TSC2: variants seen among roughly 807,000 people sequenced by gnomAD.
The protein encoded by TSC2 is TSC complex subunit 2.
In TSC2, 29 loss-of-function variants were observed where a neutral mutation model predicts 202.2. The observed-to-expected ratio is 0.14, with a 90% CI of 0.11 to 0.20. The LOEUF is 0.20. Ranked by LOEUF, TSC2 falls within the 10% of genes least tolerant of loss-of-function variation. The pLI is 1.00. For missense variants in TSC2, 2,429 were observed against 2,420.0 expected (o/e 1.00, Z -0.08); for synonymous variants, 1,349 against 1,044.0 (o/e 1.29, Z -5.63).
rs149098631 is a variant in TSC2, at chr16:2,075,769, C to T, written c.2546-30C>T. Reference sequence around the variant, plus strand: ...TCAGAGGCGCTGCACGGGACCCCGGCTCCCCTGACCACCCTCTCCATTACC... The same window carrying T: ...TCAGAGGCGCTGCACGGGACCCCGGTTCCCCTGACCACCCTCTCCATTACC... On this transcript the variant is annotated intron_variant, in intron 22 of 41. Coordinates refer to ENST00000219476, the MANE Select transcript of TSC2 (RefSeq NM_000548.5). The T allele has an allele frequency of 4.2e-4, 678 of 1,608,960 alleles. 4 individuals are homozygous for T. In the African/African-American group the frequency reaches 8.2e-3, roughly 19 times the overall value.
intron 5 of TSC2, 66 bp from the exon 6 acceptor site, chr16:2,055,336 G>A (rs2085638306): frequency 8.0e-7 from 1 of 1,244,898 alleles, no homozygotes; most frequent in Non-Finnish European, 1.2e-6. Context: ...TCCTGCGGCG[G>A]GAGGGGGAGG....
intron 15 of TSC2, chr16:2,065,230 G>A (rs1161924850): frequency 1.1e-5 from 4 of 380,378 alleles, no homozygotes; most frequent in African/African-American, 2.1e-5. Flanking sequence ...TGGCTAACAC[G>A]GTGAAACCCC....
intron 12 of TSC2, 87 bp from the exon 13 acceptor site, chr16:2,062,410 G>C: frequency 7.5e-7 from 1 of 1,339,644 alleles, no homozygotes; most frequent in Non-Finnish European, 1.0e-6. Flanking sequence ...GGCTCTGACA[G>C]CAAACCAGCC....
intron 22 of TSC2, 95 bp from the exon 23 acceptor site, chr16:2,075,704 C>T: frequency 7.4e-7 from 1 of 1,344,350 alleles, no homozygotes; most frequent in Non-Finnish European, 1.0e-6. Context: ...TCCTCTGCAG[C>T]ACCCCATCGC....
chr16:2,086,069 TG>T, intron 36 of TSC2, 123 bp from the exon 37 acceptor site: 1 of 1,123,366 alleles, frequency 8.9e-7, no homozygotes, highest in Non-Finnish European at 1.3e-6. Context: ...CTGGAATGGA[TG>T]GTCTTGTCTG....
intron 23 of TSC2, 36 bp downstream of exon 23, chr16:2,075,928 G>A (rs754798869): frequency 5.3e-5 from 85 of 1,612,532 alleles, no homozygotes; most frequent in East Asian, 4.2e-4. Context: ...CCTCCCAGCC[G>A]TGGCCCCCGC....
intron 33 of TSC2, 32 bp from the exon 34 acceptor site, chr16:2,084,196 A>G (rs1180828745): frequency 6.4e-7 from 1 of 1,557,056 alleles, no homozygotes; most frequent in African/African-American, 1.4e-5. Context: ...GTGCCTGCTG[A>G]CAGGGGTTCT....
intron 10 of TSC2, among the ~76,000 whole-genome samples, chr16:2,060,310 C>A (rs533332933): frequency 3.9e-5 from 6 of 152,212 alleles, no homozygotes; most frequent in Admixed American, 6.5e-5. Context: ...CTGCTACCCC[C>A]CTCCCCGTAG....
rs139950082 is a variant in TSC2, at chr16:2,064,696, C to CCTGGGG, written c.1599+278_1599+283dup. 0.056 allele frequency: 30,629 copies of CCTGGGG among 548,940 alleles called. 1,154 individuals are homozygous for CCTGGGG. The highest frequency in any genetic ancestry group is 0.072 in the Middle Eastern group (144 of 1,992). The allele number at this position is 548,940 out of a possible 1,614,324, so 34.0% of individuals were successfully genotyped here. Reference sequence around the variant, plus strand: ...TCCTGGACCGACGCTGGAGCCCAGACCTGGGGCTGGGGCTTTGGCCTGCCG... The same window carrying CCTGGGG: ...TCCTGGACCGACGCTGGAGCCCAGACCTGGGGCTGGGGCTGGGGCTTTGGCCTGCCG... On this transcript the variant is annotated intron_variant, in intron 15 of 41. Transcript: ENST00000219476.
rs2090829455 is a variant in TSC2, at chr16:2,086,631, G to A, written c.4850-101G>A. Reference sequence around the variant, plus strand: ...GGCACCAGAGGACGTGGTCCCCGCAGGCCCCCAGAGCCCCTGGAGTAATCA... The same window carrying A: ...GGCACCAGAGGACGTGGTCCCCGCAAGCCCCCAGAGCCCCTGGAGTAATCA... On this transcript the variant is annotated intron_variant, in intron 37 of 41. Transcript: ENST00000219476. 1.9e-6 allele frequency: 3 copies of A among 1,562,738 alleles called. No homozygotes were observed. The South Asian group carries it at 3.4e-5, about 18-fold the overall frequency.
rs902604389 is a variant in TSC2, at chr16:2,088,840, A to T, written c.*230A>T. On this transcript the variant is annotated 3_prime_UTR_variant, in exon 42 of 42. Transcript: ENST00000219476. The stretch of plus-strand genomic sequence containing the variant: ...GGCACAGCCAGCTCCGAGGGCCTTG[A>T]GGCTGCCTGGGCCATACAGCACACT... 3.0e-5 allele frequency: 18 copies of T among 599,342 alleles called. No homozygotes were observed. Among genetic ancestry groups the T allele is most frequent in the African/African-American group, 2.6e-4 (14 of 53,344 alleles). 37.1% of individuals were successfully genotyped at this position (599,342 alleles called of 1,614,324 possible).
At chr16:2,072,101 C>T in intron 19 of TSC2, 140 bp from the exon 20 acceptor site, 1 of 1,534,470 alleles carries the variant, frequency 6.5e-7, no homozygotes, top group Non-Finnish European at 8.8e-7. Flanking sequence ...GAGGCCTGCG[C>T]TGGGCAGGCT....
At chr16:2,059,955 G>A (rs546459547) in intron 10 of TSC2, among the ~76,000 whole-genome samples, 7 of 152,272 alleles carry the variant, frequency 4.6e-5, no homozygotes, top group Non-Finnish European at 8.8e-5. Flanking sequence ...GCCACTGCGC[G>A]CAGCCCAAAG....
intron 26 of TSC2, chr16:2,078,584 C>CGGTGGTCGCCGT: frequency 3.5e-6 from 1 of 281,914 alleles, no homozygotes; most frequent in Non-Finnish European, 6.9e-6. Flanking sequence ...GTGTGGAGCT[C>CGGTGGTCGCCGT]AGGCAGCCGC....
intron 3 of TSC2, among the ~76,000 whole-genome samples, chr16:2,052,432 C>T (rs2085250798): frequency 6.6e-6 from 1 of 152,130 alleles, no homozygotes; most frequent in African/African-American, 2.4e-5. Context: ...ACTTTAGCCT[C>T]TCAAGTAGCT....
At chr16:2,088,011 G>A (rs1465748242) in intron 39 of TSC2, 37 bp from the exon 40 acceptor site, 5 of 1,611,144 alleles carry the variant, frequency 3.1e-6, no homozygotes, top group Non-Finnish European at 2.5e-6. Context: ...GTGGCGCCAA[G>A]AGCCCTGGGC....
intron 9 of TSC2, among the ~76,000 whole-genome samples, chr16:2,057,787 C>T (rs2086065199): frequency 6.7e-6 from 1 of 149,198 alleles, no homozygotes; most frequent in Non-Finnish European, 1.5e-5. Flanking sequence ...CCCTGCATCT[C>T]TCCCAGCCCT....
intron 25 of TSC2, 51 bp downstream of exon 25, chr16:2,076,636 T>C (rs2151397647): frequency 3.1e-6 from 5 of 1,590,104 alleles, no homozygotes; most frequent in Non-Finnish European, 4.3e-6. Context: ...GGGAAGGACA[T>C]GGGGCTGTGG....
intron 17 of TSC2, among the ~76,000 whole-genome samples, chr16:2,070,874 G>A (rs1199630983): frequency 6.6e-6 from 1 of 152,230 alleles, no homozygotes; most frequent in Non-Finnish European, 1.5e-5. Context: ...TCCTGGTGCT[G>A]CAGAATCTGT....
Sources: gnomAD v4.1 joint callset for allele counts (sites outside exome capture counted in the v4.1 genomes callset) on GRCh38, gnomAD v4.1.1 for gene constraint, MANE v1.5 for transcripts, NCBI Gene and HGNC (gene_info 2026-07-23, HGNC 2026-07-21) for gene names.